The following ZNF334 variants were observed in gnomAD, a reference collection of about 807,000 sequenced individuals.
The protein encoded by ZNF334 is zinc finger protein 334.
In ZNF334, 14 loss-of-function variants were observed where a neutral mutation model predicts 12.4. That is an observed-to-expected ratio of 1.13 (90% CI 0.74 to 1.76). ZNF334 has a LOEUF of 1.76. Ranked by LOEUF, ZNF334 falls within the 40% of genes most tolerant of loss-of-function variation. ZNF334 has a pLI of 0.00. For missense variants in ZNF334, 797 were observed against 804.5 expected (o/e 0.99, Z 0.11); for synonymous variants, 273 against 269.6 (o/e 1.01, Z -0.12).
chr20:46,502,051 C>G lies in ZNF334; in HGVS notation c.1288G>C (p.Glu430Gln). 3 of 1,614,180 alleles carry G rather than the reference C, an allele frequency of 1.9e-6. No individual in the cohort carries two copies. The highest frequency in any genetic ancestry group is 2.5e-6 in the Non-Finnish European group (3 of 1,180,024). The change falls in exon 5 of 5, where the codon GAG (glutamate) becomes CAG (glutamine). Residue 430 changes from glutamate (E) to glutamine (Q), a missense_variant. Physicochemically the swap from Glu to Gln is conservative, Grantham distance 29. Coordinates refer to ENST00000692313, the MANE Select transcript of ZNF334 (RefSeq NM_001353824.2). ...CATTGACTGCATTCATAGGGCTTCTCTCCTGTATGACTTCTTCGATGCACA... is the reference window on the plus strand; with the variant it reads ...CATTGACTGCATTCATAGGGCTTCTGTCCTGTATGACTTCTTCGATGCACA... ...LNVHRRSHTG[E>Q]KPYECSQCGK...
intron 2 of ZNF334, chr20:46,505,227 T>C (rs539945459): frequency 1.3e-5 from 2 of 151,798 alleles, no homozygotes; most frequent in South Asian, 4.2e-4. Flanking sequence ...ATATGGGGAG[T>C]TCGAGAACTA....
chr20:46,480,894 G>C, the ZNF334 span, among the ~76,000 whole-genome samples: 1 of 152,138 alleles, frequency 6.6e-6, no homozygotes, highest in African/African-American at 2.4e-5. Context: ...GACACATAGG[G>C]AGAGACCCCA....
At chr20:46,466,264 C>T in the ZNF334 span, among the ~76,000 whole-genome samples, 2 of 151,964 alleles carry the variant, frequency 1.3e-5, no homozygotes, top group African/African-American at 4.8e-5. Flanking sequence ...TAGATAAAAA[C>T]AAGTAAAAAC....
Position 46,502,079 on chromosome 20 carries a change from GAGGGCAGATTGACAAA to G in ZNF334, c.1244_1259del (p.Phe415SerfsTer34). ...CTGTATGACTTCTTCGATGCACATTGAGGGCAGATTGACAAAAGAAGGTTTTCTCACATTCACTACA... is the reference window on the plus strand; with the variant it reads ...CTGTATGACTTCTTCGATGCACATTGAGAAGGTTTTCTCACATTCACTACA... On this transcript the variant is annotated frameshift_variant, in exon 5 of 5. Transcript: ENST00000692313. LOFTEE classifies it low-confidence loss of function (END_TRUNC). 1 of 1,614,142 alleles carries G rather than the reference GAGGGCAGATTGACAAA, an allele frequency of 6.2e-7. No homozygotes were observed. The highest frequency in any genetic ancestry group is 8.5e-7 in the Non-Finnish European group (1 of 1,180,020).
chr20:46,476,034 G>C, the ZNF334 span, among the ~76,000 whole-genome samples: 1 of 152,098 alleles, frequency 6.6e-6, no homozygotes, highest in Non-Finnish European at 1.5e-5. Context: ...TAAACAAATG[G>C]CATACATCCA....
At position 46,501,607 on chromosome 20, in the gene ZNF334, CA is replaced by C; in HGVS notation, c.1731del (p.Cys577TrpfsTer127). The C allele has an allele frequency of 6.2e-7, 1 of 1,614,146 alleles. No homozygotes were observed. The highest frequency in any genetic ancestry group is 8.5e-7 in the Non-Finnish European group (1 of 1,180,014). ...GAGAACTTCTGACAGAAGGTTTTCC[CA>C]CATTCATTACACTCATAGGGTCTCT... is the stretch of plus-strand genomic sequence containing the variant. ...TGQRPYECNECGKTFCQKFSF... is the reference protein window; with the variant it reads ...TGQRPYECNEXGKTFCQKFSF... On this transcript the variant is annotated frameshift_variant, in exon 5 of 5. Coordinates refer to ENST00000692313, the MANE Select transcript of ZNF334 (RefSeq NM_001353824.2). LOFTEE classifies it low-confidence loss of function (END_TRUNC).
chr20:46,488,419 T>TATATATATATATATATATATATATATATA, the ZNF334 span, among the ~76,000 whole-genome samples: 2 of 102,226 alleles, frequency 2.0e-5, no homozygotes, highest in African/African-American at 8.7e-5. Context: ...AGCTCTTATT[T>TATATATATATATATATATATATATATATA]TATATATATA....
the ZNF334 span, among the ~76,000 whole-genome samples, chr20:46,482,644 T>C: frequency 6.6e-6 from 1 of 152,208 alleles, no homozygotes. Context: ...ATAGATCTTT[T>C]TTTATATCAA....
the ZNF334 span, among the ~76,000 whole-genome samples, chr20:46,468,762 G>A: frequency 3.9e-5 from 6 of 152,144 alleles, no homozygotes. Context: ...CTTATGGAGA[G>A]GGGCTTTTGC....
At chr20:46,481,114 G>A in the ZNF334 span, 1 of 152,244 alleles carries the variant, frequency 6.6e-6, no homozygotes, top group African/African-American at 2.4e-5. Flanking sequence ...TGTTCCCTGA[G>A]AACAGGAGGT....
the ZNF334 span, among the ~76,000 whole-genome samples, chr20:46,483,910 T>G: frequency 1.3e-5 from 2 of 152,248 alleles, no homozygotes. Context: ...CTATTGAATT[T>G]ATGTATATAC....
chr20:46,464,609 A>C, the ZNF334 span: 4 of 412,392 alleles, frequency 9.7e-6, no homozygotes, highest in Admixed American at 6.1e-5. Flanking sequence ...CCTGCAGCTT[A>C]CATGATCACA....
the ZNF334 span, chr20:46,484,679 A>C: frequency 6.0e-6 from 1 of 166,716 alleles, no homozygotes; most frequent in Non-Finnish European, 1.5e-5. Flanking sequence ...ATGCCAGTTG[A>C]ATTTTCTAAC....
chr20:46,495,549 AT>A (rs1473676488), downstream of ZNF334, among the ~76,000 whole-genome samples: 3 of 152,176 alleles, frequency 2.0e-5, no homozygotes, highest in Admixed American at 2.0e-4. Context: ...CAGTGATTTG[AT>A]GCAGAGACCT....
chr20:46,512,169 C>A, intron 1 of ZNF334, 29 bp from the exon 2 acceptor site: 1 of 1,579,014 alleles, frequency 6.3e-7, no homozygotes, highest in South Asian at 1.1e-5. Flanking sequence ...CGAATGGAAT[C>A]ATGAGCGATT....
intron 2 of ZNF334, chr20:46,505,501 G>A (rs1039174589): frequency 2.0e-5 from 3 of 153,678 alleles, no homozygotes; most frequent in African/African-American, 7.2e-5. Flanking sequence ...AATTGCTGGG[G>A]TGCTCCCTAT....
chr20:46,501,311 T>C lies in ZNF334; in HGVS notation c.2028A>G (p.Lys676=). Reference sequence around the variant, plus strand: ...TTGTTGGAACTTATTCCTTGTGGGATTTCTGATGTAAAAGAAAGTTTGATT... The same window carrying C: ...TTGTTGGAACTTATTCCTTGTGGGACTTCTGATGTAAAAGAAAGTTTGATT... ...RHKSNFLLHQ[K]SHKE The change falls in exon 5 of 5, where the codon AAA becomes AAG. Residue 676 remains lysine, a synonymous_variant. Transcript: ENST00000692313. 1 of 1,610,634 alleles carries C rather than the reference T, an allele frequency of 6.2e-7. No individual in the cohort carries two copies.
rs201084413 is a variant in ZNF334, at chr20:46,502,323, T to C, written c.1016A>G (p.His339Arg). Residue 339 changes from histidine to arginine, a missense_variant, in exon 5 of 5, where the codon CAT (histidine) becomes CGT (arginine). By Grantham distance (29) the His-to-Arg change is conservative. Transcript: ENST00000692313. ...CTTCTCCCCTGTGTGTGACCTGAAA[T>C]GTTCAGCCAGGGCTGACTTCCGAAA... Reference protein sequence around the residue: ...TFFRKSALAEHFRSHTGEKPY... With the variant: ...TFFRKSALAERFRSHTGEKPY... 133 of 1,614,168 alleles carry C rather than the reference T, an allele frequency of 8.2e-5. No homozygotes were observed. Among genetic ancestry groups the C allele is most frequent in the Middle Eastern group, 6.6e-4 (4 of 6,060 alleles).
downstream of ZNF334, among the ~76,000 whole-genome samples, chr20:46,495,694 T>C (rs962309668): frequency 1.3e-5 from 2 of 152,202 alleles, no homozygotes; most frequent in African/African-American, 4.8e-5. Flanking sequence ...CTGTCTCCAC[T>C]GTGCATTCTG....
Sources: allele counts gnomAD v4.1 joint callset (sites outside exome capture counted in the v4.1 genomes callset), GRCh38; gene constraint gnomAD v4.1.1; transcripts MANE v1.5; gene names NCBI Gene and HGNC (gene_info 2026-07-23, HGNC 2026-07-21).